The following ADSS2 variants were observed in gnomAD, a reference collection of about 807,000 sequenced individuals.
ADSS2 encodes the protein adenylosuccinate synthase 2.
Under a neutral mutation model 60.0 loss-of-function variants are expected in ADSS2, and 30 were observed. The ratio of observed to expected loss-of-function variants is 0.50; its 90% CI spans 0.37 to 0.68. The LOEUF (loss-of-function observed/expected upper bound fraction) is 0.68. ADSS2 is among the 30% of genes least tolerant of loss of function. The pLI is 0.00. For synonymous variants in ADSS2, 187 were observed against 193.1 expected, an observed-to-expected ratio of 0.97 and a Z score of 0.26; for missense variants, 373 against 554.8, an observed-to-expected ratio of 0.67 and a Z score of 3.29.
At chr1:244,410,286 C>A (rs928565783) in intron 12 of ADSS2, among the ~76,000 whole-genome samples, 6 of 152,150 alleles carry the variant, frequency 3.9e-5, no homozygotes, top group African/African-American at 1.4e-4. Flanking sequence ...AAACGAAGCA[C>A]AAGGCAAAAG....
chr1:244,441,081 C>G (rs192111257), intron 1 of ADSS2, among the ~76,000 whole-genome samples: 1 of 139,520 alleles, frequency 7.2e-6, no homozygotes, highest in East Asian at 2.3e-4. Flanking sequence ...TTTTTTTAGA[C>G]AGAGTCTTGC....
intron 1 of ADSS2, among the ~76,000 whole-genome samples, chr1:244,439,105 G>A (rs1665173191): frequency 6.6e-6 from 1 of 152,050 alleles, no homozygotes; most frequent in Non-Finnish European, 1.5e-5. Flanking sequence ...GAGTTCCACT[G>A]TTTTAATTTT....
At chr1:244,439,674 T>C (rs1482368874) in intron 1 of ADSS2, among the ~76,000 whole-genome samples, 1 of 152,180 alleles carries the variant, frequency 6.6e-6, no homozygotes, top group Admixed American at 6.5e-5. Flanking sequence ...CTAGGTCACA[T>C]GCCCCCCAAG....
chr1:244,442,489 T>C (rs1383099109), intron 1 of ADSS2, among the ~76,000 whole-genome samples: 1 of 152,222 alleles, frequency 6.6e-6, no homozygotes, highest in East Asian at 1.9e-4. Flanking sequence ...ATGGTTTAAA[T>C]ATCATTTAAG....
chr1:244,411,667 G>A (rs1393280546), intron 11 of ADSS2, among the ~76,000 whole-genome samples: 1 of 152,134 alleles, frequency 6.6e-6, no homozygotes, highest in Non-Finnish European at 1.5e-5. Flanking sequence ...TGCTATAAGA[G>A]GATAAAGATT....
chr1:244,414,041 G>A (rs1011038649), intron 11 of ADSS2, among the ~76,000 whole-genome samples: 1 of 152,022 alleles, frequency 6.6e-6, no homozygotes, highest in Admixed American at 6.6e-5. Flanking sequence ...GGTTTTCCAC[G>A]TAACTACACA....
Position 244,416,051 on chromosome 1 carries a change from C to T in ADSS2, c.1098G>A (p.Leu366=). ...TALALTKLDI[L]DMFTEIKVGV... is the part of the protein sequence containing the mutation. ...CAACTTTGATTTCCGTAAACATGTC[C>T]AAAATATCCAACTTGGTAAGTGCCA... Residue 366 remains leucine, a synonymous_variant, in exon 11 of 13, where the codon TTG becomes TTA. Coordinates refer to ENST00000366535, the MANE Select transcript of ADSS2 (RefSeq NM_001126.5). 1.2e-6 allele frequency: 2 copies of T among 1,613,638 alleles called. No individual in the cohort carries two copies. The highest frequency in any genetic ancestry group is 1.7e-6 in the Non-Finnish European group (2 of 1,179,838).
intron 1 of ADSS2, among the ~76,000 whole-genome samples, chr1:244,440,787 C>A (rs1355136433): frequency 6.6e-6 from 1 of 152,146 alleles, no homozygotes; most frequent in East Asian, 1.9e-4. Context: ...GGGCAGCTTG[C>A]GTACTTCCAT....
At chr1:244,429,539 T>C (rs1251536148) in intron 4 of ADSS2, among the ~76,000 whole-genome samples, 2 of 152,200 alleles carry the variant, frequency 1.3e-5, no homozygotes, top group African/African-American at 2.4e-5. Flanking sequence ...AATTAGTTAT[T>C]TGATTTTTTA....
chr1:244,440,357 C>A (rs1410019664), intron 1 of ADSS2, among the ~76,000 whole-genome samples: 1 of 152,000 alleles, frequency 6.6e-6, no homozygotes, highest in Non-Finnish European at 1.5e-5. Flanking sequence ...CTTCAAAAAG[C>A]AAATACCTAT....
At chr1:244,447,685 A>G (rs1186214939) in intron 1 of ADSS2, among the ~76,000 whole-genome samples, 1 of 152,212 alleles carries the variant, frequency 6.6e-6, no homozygotes, top group Non-Finnish European at 1.5e-5. Flanking sequence ...GAATGGTACA[A>G]TGTAAAAAAT....
chr1:244,424,737 C>T (rs1320445875), intron 4 of ADSS2: 2 of 202,924 alleles, frequency 9.9e-6, no homozygotes, highest in Admixed American at 1.1e-4. Flanking sequence ...CATGTTGACA[C>T]CTCCCTTTTC....
At position 244,428,058 on chromosome 1, in the gene ADSS2, T is replaced by C. The variant is rs373253124; in HGVS notation, c.407-3671A>G. On this transcript the variant is annotated intron_variant, in intron 4 of 12. Transcript: ENST00000366535. ...GTTCAGCACTCCTCCGAGTAACTGATAGAATACACACATAGAAAATCAGTT... is the reference window on the plus strand; with the variant it reads ...GTTCAGCACTCCTCCGAGTAACTGACAGAATACACACATAGAAAATCAGTT... 2.6e-4 allele frequency among the ~76,000 whole-genome samples: 40 copies of C among 152,304 alleles called. 1 individual carries two copies. The highest frequency in any genetic ancestry group is 8.2e-4 in the African/African-American group (34 of 41,574).
In ADSS2 at chr1:244,451,374, G is replaced by C. The variant is rs1375084528; in HGVS notation, c.183+261C>G. On this transcript the variant is annotated intron_variant, in intron 1 of 12. Transcript: ENST00000366535. The surrounding 1 kb of genome is among the most constrained non-coding windows in gnomAD (Gnocchi z 6.6). ...CGCAAAACTGCAACTGCCAGGCATC[G>C]CGCATCTCTCAAAGGCTCCCCGCCA... 6.6e-6 allele frequency among the ~76,000 whole-genome samples: 1 copy of C among 152,140 alleles called. No individual in the cohort carries two copies. The highest frequency in any genetic ancestry group is 1.9e-4 in the East Asian group (1 of 5,184).
At chr1:244,413,796 G>A (rs1406985989) in intron 11 of ADSS2, among the ~76,000 whole-genome samples, 1 of 152,110 alleles carries the variant, frequency 6.6e-6, no homozygotes, top group East Asian at 1.9e-4. Flanking sequence ...AAAAGGAAGG[G>A]ACAGGGTACA....
chr1:244,419,083 T>A, intron 8 of ADSS2, 169 bp from the exon 9 acceptor site: 1 of 657,844 alleles, frequency 1.5e-6, no homozygotes, highest in Non-Finnish European at 2.4e-6. Context: ...ATTTTAGCTG[T>A]AATGACATAA....
chr1:244,451,857 C>T lies in ADSS2; in HGVS notation c.-40G>A, dbSNP rs757230494. 2.6e-6 allele frequency: 4 copies of T among 1,511,516 alleles called. No homozygotes were observed. The highest frequency in any genetic ancestry group is 2.5e-5 in the South Asian group (2 of 80,390). The allele number at this position is 1,511,516 out of a possible 1,614,324, so 93.6% of individuals were successfully genotyped here. ...GAGGAGAGCCCGAAGGAGAGGCGGC[C>T]GGCGAGGAGTGAGCGAACTGAACTG... is the stretch of plus-strand genomic sequence containing the variant. On this transcript the variant is annotated 5_prime_UTR_variant, in exon 1 of 13. Coordinates refer to ENST00000366535, the MANE Select transcript of ADSS2 (RefSeq NM_001126.5). The surrounding 1 kb of genome is among the most constrained non-coding windows in gnomAD (Gnocchi z 6.6).
At chr1:244,448,115 T>C (rs1023255929) in intron 1 of ADSS2, among the ~76,000 whole-genome samples, 6 of 152,202 alleles carry the variant, frequency 3.9e-5, no homozygotes, top group African/African-American at 1.2e-4. Context: ...CCTGGAAGAA[T>C]GGCTTACCTT....
At chr1:244,430,817 C>A (rs1025708563) in intron 4 of ADSS2, among the ~76,000 whole-genome samples, 4 of 152,044 alleles carry the variant, frequency 2.6e-5, no homozygotes, top group Admixed American at 2.6e-4. Context: ...TAGGAGACTG[C>A]CAGTAAGAAA....
Sources: gnomAD v4.1 joint callset for allele counts (sites outside exome capture counted in the v4.1 genomes callset) on GRCh38, gnomAD v4.1.1 for gene constraint, Gnocchi (gnomAD v3.1) non-coding constraint, MANE v1.5 for transcripts, NCBI Gene and HGNC (gene_info 2026-07-23, HGNC 2026-07-21) for gene names.